CCNB2: variants seen among roughly 807,000 people sequenced by gnomAD.
CCNB2 encodes G2/mitotic-specific cyclin-B2.
CCNB2 carries 39 observed loss-of-function variants against 51.1 expected under a neutral mutation model. That is an observed-to-expected ratio of 0.76 (90% confidence interval 0.59 to 1.00). CCNB2 has a LOEUF of 1.00. Among genes scored for constraint, CCNB2 ranks in the 50% least tolerant of loss-of-function variants. The pLI, the probability that CCNB2 is intolerant of heterozygous loss-of-function variation, is 0.00. For synonymous variants in CCNB2, 174 were observed against 165.5 expected (o/e 1.05, Z -0.40); for missense variants, 472 against 470.3 (o/e 1.00, Z -0.03).
intron 3 of CCNB2, among the ~76,000 whole-genome samples, chr15:59,110,819 A>G (rs186103636): frequency 1.3e-5 from 2 of 152,256 alleles, no homozygotes; most frequent in Admixed American, 6.5e-5. Flanking sequence ...GGTTTTGGAG[A>G]AAATGGTGTT....
intron 1 of CCNB2, among the ~76,000 whole-genome samples, chr15:59,106,949 G>C (rs1435531299): frequency 6.6e-6 from 1 of 152,126 alleles, no homozygotes; most frequent in Non-Finnish European, 1.5e-5. Context: ...TGTAAAGGAA[G>C]GTTTTTAAAT....
Position 59,124,899 on chromosome 15 carries a change from G to A in CCNB2, c.*22G>A, listed in dbSNP as rs781680807. 5 of 1,423,630 alleles carry A rather than the reference G, an allele frequency of 3.5e-6. No individual in the cohort carries two copies. Among genetic ancestry groups the A allele is most frequent in the African/African-American group, 1.4e-5 (1 of 69,198 alleles). 88.2% of individuals were successfully genotyped at this position (1,423,630 alleles called of 1,614,324 possible). A position where few individuals can be genotyped will look rare whatever the true frequency, so the allele number is the denominator to read the frequency against. On this transcript the variant is annotated 3_prime_UTR_variant, in exon 9 of 9. Transcript: ENST00000288207. ...CTAGGCTGCCGTGGCCCCTGGGGAT[G>A]TGTGCTTCATTGTGCCCTTTTTCTT... is the stretch of plus-strand genomic sequence containing the variant.
chr15:59,112,872 A>G (rs2140287283), intron 3 of CCNB2, among the ~76,000 whole-genome samples: 1 of 151,846 alleles, frequency 6.6e-6, no homozygotes, highest in East Asian at 2.0e-4. Context: ...GTCTCTACTA[A>G]AAATACAAAA....
chr15:59,105,397 C>A, intron 1 of CCNB2, 105 bp downstream of exon 1: 7 of 1,272,604 alleles, frequency 5.5e-6, no homozygotes, highest in South Asian at 1.3e-5. Context: ...ACCGGGGCTG[C>A]TTTTCTCTTC....
At chr15:59,114,014 A>G (rs1345831314) in intron 3 of CCNB2, among the ~76,000 whole-genome samples, 1 of 152,208 alleles carries the variant, frequency 6.6e-6, no homozygotes, top group East Asian at 1.9e-4. Context: ...ATAATTTTAA[A>G]TAGGAGTTAG....
At chr15:59,110,906 G>T (rs191021862) in intron 3 of CCNB2, among the ~76,000 whole-genome samples, 69 of 152,308 alleles carry the variant, frequency 4.5e-4, no homozygotes, top group Admixed American at 1.6e-3. Flanking sequence ...TCCCATGTTT[G>T]CTGGACACTG....
intron 3 of CCNB2, among the ~76,000 whole-genome samples, chr15:59,112,400 A>G (rs1347937136): frequency 6.6e-6 from 1 of 151,342 alleles, no homozygotes; most frequent in African/African-American, 2.4e-5. Flanking sequence ...GCTGGAGTGC[A>G]GTGGTGTGAT....
intron 1 of CCNB2, among the ~76,000 whole-genome samples, chr15:59,106,115 G>A (rs2079234790): frequency 6.6e-6 from 1 of 152,116 alleles, no homozygotes; most frequent in South Asian, 2.1e-4. Flanking sequence ...TGGCTATAAG[G>A]TTAGATAAAA....
chr15:59,117,086 T>G (rs1016643409), intron 6 of CCNB2, 142 bp from the exon 7 acceptor site: 1 of 1,014,646 alleles, frequency 9.9e-7, no homozygotes, highest in African/African-American at 1.6e-5. Flanking sequence ...ATGATCTATG[T>G]TTACAACATA....
At chr15:59,118,008 G>A (rs2079286080) in intron 7 of CCNB2, among the ~76,000 whole-genome samples, 1 of 152,228 alleles carries the variant, frequency 6.6e-6, no homozygotes, top group African/African-American at 2.4e-5. Flanking sequence ...ATACTAAGGT[G>A]CATGTGTGCA....
At chr15:59,119,252 T>C (rs1418598769) in intron 7 of CCNB2, among the ~76,000 whole-genome samples, 3 of 152,048 alleles carry the variant, frequency 2.0e-5, no homozygotes, top group African/African-American at 7.2e-5. Flanking sequence ...TAAGTACTTG[T>C]TGCTTGAGCC....
rs576448389 is a variant in CCNB2, at chr15:59,106,107, G to C, written c.24+815G>C. Among the ~76,000 whole-genome samples, 40 of 152,252 alleles carry C rather than the reference G, an allele frequency of 2.6e-4. No individual in the cohort carries two copies. In the South Asian group the frequency reaches 5.4e-3, roughly 21 times the overall value. ...GACACACCTGAGTTCCATCATCTTG[G>C]CTATAAGGTTAGATAAAAGCTGCCA... On this transcript the variant is annotated intron_variant, in intron 1 of 8. Transcript: ENST00000288207.
intron 8 of CCNB2, 112 bp downstream of exon 8, chr15:59,123,739 T>C: frequency 1.5e-6 from 1 of 653,904 alleles, no homozygotes; most frequent in Non-Finnish European, 2.8e-6. Flanking sequence ...TAATAACATG[T>C]GGGAGTTTTA....
chr15:59,116,260 G>C (rs565280909), intron 5 of CCNB2, among the ~76,000 whole-genome samples: 38 of 152,266 alleles, frequency 2.5e-4, no homozygotes, highest in Admixed American at 8.5e-4. Flanking sequence ...TTTCTATTCA[G>C]ACCATGTTTA....
At chr15:59,110,758 C>A (rs564047196) in intron 3 of CCNB2, among the ~76,000 whole-genome samples, 17 of 152,292 alleles carry the variant, frequency 1.1e-4, no homozygotes, top group Non-Finnish European at 7.4e-5. Context: ...GCTGAGACCT[C>A]GGAAGAGTTC....
intron 3 of CCNB2, among the ~76,000 whole-genome samples, chr15:59,111,424 C>T (rs1168574870): frequency 6.6e-6 from 1 of 152,188 alleles, no homozygotes; most frequent in Non-Finnish European, 1.5e-5. Flanking sequence ...CACATGATAA[C>T]CTCTATCTCC....
chr15:59,107,233 C>A, intron 1 of CCNB2, 89 bp from the exon 2 acceptor site: 3 of 1,240,414 alleles, frequency 2.4e-6, no homozygotes, highest in Middle Eastern at 5.5e-4. Flanking sequence ...ATTGTCCTTT[C>A]CCAAAGCAAT....
rs2079280894 is a variant in CCNB2 at position 59,116,817 on chromosome 15, C to T, written c.725C>T (p.Thr242Ile). 1.9e-6 allele frequency: 3 copies of T among 1,614,118 alleles called. No individual in the cohort carries two copies. The East Asian group carries it at 6.7e-5, about 36-fold the overall frequency. The change falls in exon 6 of 9, where the codon ACC (threonine) becomes ATC (isoleucine). Residue 242 changes from threonine to isoleucine, a missense_variant. Thr to Ile is a moderately conservative substitution (Grantham distance 89, BLOSUM62 -1). Transcript: ENST00000288207. Reference sequence around the variant, plus strand: ...GTTTACATCACAGACAATGCTTATACCAGTTCCCAAATCCGAGAAATGGAA... The same window carrying T: ...GTTTACATCACAGACAATGCTTATATCAGTTCCCAAATCCGAGAAATGGAA... ...DFVYITDNAY[T>I]SSQIREMETL...
intron 3 of CCNB2, among the ~76,000 whole-genome samples, chr15:59,112,717 C>T (rs2079262330): frequency 6.6e-6 from 1 of 151,896 alleles, no homozygotes. Flanking sequence ...TTAGGTTTTA[C>T]TTGGAGAAGT....
Sources: gnomAD v4.1 joint callset for allele counts (sites outside exome capture counted in the v4.1 genomes callset) on GRCh38, gnomAD v4.1.1 for gene constraint, MANE v1.5 for transcripts, NCBI Gene and HGNC (gene_info 2026-07-23, HGNC 2026-07-21) for gene names.